CR1L: variants seen among roughly 807,000 people sequenced by gnomAD.
CR1L encodes the protein complement C3b/C4b receptor 1 like.
In CR1L, 59 loss-of-function variants were observed where a neutral mutation model predicts 62.3. The observed-to-expected ratio is 0.95, with a 90% CI of 0.77 to 1.18. The LOEUF is 1.18. Among genes scored for constraint, CR1L ranks in the 50% most tolerant of loss-of-function variants. The probability of loss-of-function intolerance (pLI) is 0.00; values close to 1 mark genes in which losing one functional copy is unlikely to be tolerated. For synonymous variants in CR1L, 279 were observed against 248.7 expected (o/e 1.12, Z -1.15); for missense variants, 700 against 702.8 (o/e 1.00, Z 0.04).
chr1:207,655,324 A>G (rs1663287873), intron 1 of CR1L: 1 of 472,110 alleles, frequency 2.1e-6, no homozygotes, highest in Admixed American at 3.6e-5. Flanking sequence ...AGTAGTCCTC[A>G]AAGATTTTTT....
intron 1 of CR1L, chr1:207,655,239 G>A: frequency 1.5e-6 from 1 of 687,054 alleles, no homozygotes; most frequent in Non-Finnish European, 2.5e-6. Flanking sequence ...TAAAGGATCA[G>A]TAGCAGTTTG....
At chr1:207,700,485 G>A (rs1454349683) in intron 8 of CR1L, among the ~76,000 whole-genome samples, 1 of 152,204 alleles carries the variant, frequency 6.6e-6, no homozygotes, top group Non-Finnish European at 1.5e-5. Flanking sequence ...CAAATCAGTA[G>A]ATGCTAGAAA....
intron 1 of CR1L, among the ~76,000 whole-genome samples, chr1:207,650,049 T>A (rs1571640429): frequency 6.6e-6 from 1 of 152,174 alleles, no homozygotes; most frequent in Non-Finnish European, 1.5e-5. Flanking sequence ...GAGTCAAAAG[T>A]GGCTCTTGGG....
rs1488055141 is a variant in CR1L at position 207,694,438 on chromosome 1, G to A, written c.549G>A (p.Val183=). The part of the protein sequence containing the change: ...SREYFHYGSV[V]TYHCNLGSRG... ...AGTATTTTCACTATGGATCAGTGGT[G>A]ACCTACCACTGCAATCTTGGAAGCA... The change falls in exon 5 of 12, where the codon GTG becomes GTA. Residue 183 remains valine, a synonymous_variant. Coordinates refer to ENST00000508064, the MANE Select transcript of CR1L (RefSeq NM_175710.2). 2.5e-6 allele frequency: 4 copies of A among 1,613,874 alleles called. No individual in the cohort carries two copies. The highest frequency in any genetic ancestry group is 3.4e-6 in the Non-Finnish European group (4 of 1,179,898).
At chr1:207,694,312 G>A (rs781480906) in intron 4 of CR1L, 41 bp from the exon 5 acceptor site, 20 of 1,608,690 alleles carry the variant, frequency 1.2e-5, no homozygotes, top group Admixed American at 1.7e-5. Context: ...TGAGATTTTT[G>A]TCATTCATTA....
chr1:207,677,659 C>T (rs1476459607), intron 2 of CR1L, 91 bp downstream of exon 2: 4 of 1,439,322 alleles, frequency 2.8e-6, no homozygotes, highest in African/African-American at 1.4e-5. Context: ...GAGTTGCATA[C>T]AACAATTAGT....
At chr1:207,692,095 T>C (rs1042410794) in intron 4 of CR1L, among the ~76,000 whole-genome samples, 1 of 152,236 alleles carries the variant, frequency 6.6e-6, no homozygotes, top group Non-Finnish European at 1.5e-5. Context: ...AACTCGGTGA[T>C]TGGCATAAGA....
chr1:207,703,639 G>A (rs1472452885), intron 9 of CR1L, among the ~76,000 whole-genome samples: 1 of 152,234 alleles, frequency 6.6e-6, no homozygotes, highest in Non-Finnish European at 1.5e-5. Flanking sequence ...CCATGGCTGA[G>A]CAGTAATTTT....
At chr1:207,657,536 G>A (rs1663335924) in intron 1 of CR1L, 2 of 331,578 alleles carry the variant, frequency 6.0e-6, no homozygotes, top group South Asian at 1.1e-4. Context: ...ATTTCATACA[G>A]TGTGAACTAC....
At chr1:207,645,543 G>C (rs1663107615) in intron 1 of CR1L, among the ~76,000 whole-genome samples, 1 of 152,218 alleles carries the variant, frequency 6.6e-6, no homozygotes, top group Non-Finnish European at 1.5e-5. Context: ...GTGGCATCGT[G>C]TGCGCGGCCG....
Position 207,697,623 on chromosome 1 carries a change from C to A in CR1L, c.983C>A (p.Thr328Lys). The change falls in exon 6 of 12, where the codon ACG becomes AAG. Residue 328 changes from threonine (T) to lysine (K), a missense_variant. By Grantham distance (78) the Thr-to-Lys change is moderately conservative. Transcript: ENST00000508064. Reference protein sequence around the residue: ...CEPGYDLRGSTYLHCTPQGDW... With the variant: ...CEPGYDLRGSKYLHCTPQGDW... ...CCCGGCTACGACCTCAGAGGATCTA[C>A]GTATTTGCACTGCACACCCCAGGGA... The A allele has an allele frequency of 6.2e-7, 1 of 1,613,976 alleles. No homozygotes were observed.
rs939342936 is a variant in CR1L, at chr1:207,669,775, G to C, written c.98-7614G>C. On this transcript the variant is annotated intron_variant, in intron 1 of 11. Transcript: ENST00000508064. ...CCCTCGCTGCCTCTAGGTAAGCGTGGAGTTCCCACGTGCAGGGGCTTAAGT... is the reference window on the plus strand; with the variant it reads ...CCCTCGCTGCCTCTAGGTAAGCGTGCAGTTCCCACGTGCAGGGGCTTAAGT... Among the ~76,000 whole-genome samples the C allele has an allele frequency of 2.6e-5, 4 of 151,456 alleles. 1 individual carries two copies. Among genetic ancestry groups the C allele is most frequent in the African/African-American group, 9.8e-5 (4 of 40,714 alleles).
rs1024784908 is a variant in CR1L, at chr1:207,684,043, C to G, written c.463+86C>G. The G allele has an allele frequency of 3.4e-5, 43 of 1,260,432 alleles. 1 individual carries two copies. Among genetic ancestry groups the G allele is most frequent in the Non-Finnish European group, 4.6e-5 (41 of 894,700 alleles). The allele number at this position is 1,260,432 out of a possible 1,614,324, so 78.1% of individuals were successfully genotyped here. A position where few individuals can be genotyped will look rare whatever the true frequency, so the allele number is the denominator to read the frequency against. On this transcript the variant is annotated intron_variant, in intron 4 of 11. Coordinates refer to ENST00000508064, the MANE Select transcript of CR1L (RefSeq NM_175710.2). ...AATAAAAATCTTAACCGAATTCCTT[C>G]TGTGCAATCTGTACTTCACATGGCT... is the stretch of plus-strand genomic sequence containing the variant.
At chr1:207,669,335 T>G in intron 1 of CR1L, 1 of 713,534 alleles carries the variant, frequency 1.4e-6, no homozygotes, top group Non-Finnish European at 2.4e-6. Flanking sequence ...GCCCTCCCCA[T>G]GCTCTGGGCG....
intron 11 of CR1L, among the ~76,000 whole-genome samples, chr1:207,718,984 C>A (rs919776079): frequency 1.3e-5 from 2 of 149,042 alleles, no homozygotes; most frequent in African/African-American, 5.0e-5. Flanking sequence ...TGGAAAACAT[C>A]ATTCTCAGTA....
intron 1 of CR1L, among the ~76,000 whole-genome samples, chr1:207,674,563 A>G (rs11588445): frequency 1.3e-5 from 2 of 152,188 alleles, no homozygotes; most frequent in Non-Finnish European, 2.9e-5. Context: ...TACTATGCAT[A>G]TACTACTATA....
intron 1 of CR1L, among the ~76,000 whole-genome samples, chr1:207,660,398 T>C (rs1301994719): frequency 6.6e-6 from 1 of 152,070 alleles, no homozygotes; most frequent in African/African-American, 2.4e-5. Flanking sequence ...AGGTCTGGAG[T>C]GGACCTCCAG....
chr1:207,654,111 C>T (rs1028044772), intron 1 of CR1L, among the ~76,000 whole-genome samples: 1 of 152,194 alleles, frequency 6.6e-6, no homozygotes, highest in Non-Finnish European at 1.5e-5. Flanking sequence ...ATGCCCTAAT[C>T]ATTTCTGAAA....
intron 1 of CR1L, among the ~76,000 whole-genome samples, chr1:207,665,606 G>A (rs992793778): frequency 1.3e-5 from 2 of 151,674 alleles, no homozygotes; most frequent in Admixed American, 1.3e-4. Flanking sequence ...TGTTGGCCAG[G>A]CTGGTCTCGA....
Sources: gnomAD v4.1 joint callset for allele counts (sites outside exome capture counted in the v4.1 genomes callset) on GRCh38, gnomAD v4.1.1 for gene constraint, MANE v1.5 for transcripts, NCBI Gene and HGNC (gene_info 2026-07-23, HGNC 2026-07-21) for gene names.